OTOGL: variants seen among roughly 807,000 people sequenced by gnomAD.
OTOGL encodes the protein otogelin-like protein.
In OTOGL, 285 loss-of-function variants were observed where a neutral mutation model predicts 318.5. The observed-to-expected ratio is 0.89, with a 90% confidence interval of 0.81 to 0.99. The LOEUF (loss-of-function observed/expected upper bound fraction) is 0.99, where lower values mean the gene tolerates loss of function less well. Ranked by LOEUF, OTOGL falls within the 50% of genes least tolerant of loss-of-function variation. OTOGL has a pLI of 0.00. For missense variants in OTOGL, 2,899 were observed against 2,845.6 expected, an observed-to-expected ratio of 1.02 and a Z score of -0.43; for synonymous variants, 987 against 936.5, an observed-to-expected ratio of 1.05 and a Z score of -0.99.
intron 1 of OTOGL, chr12:80,133,749 G>A (rs1270193814): frequency 6.6e-6 from 1 of 152,046 alleles, no homozygotes; most frequent in Non-Finnish European, 1.5e-5. Flanking sequence ...GAGCTCAGGA[G>A]TTCGAGACCA....
At chr12:80,235,754 A>C (rs936024336) in intron 9 of OTOGL, among the ~76,000 whole-genome samples, 21 of 152,214 alleles carry the variant, frequency 1.4e-4, no homozygotes, top group Admixed American at 1.1e-3. Context: ...AACTGGCAGA[A>C]GGCAAGAAGG....
At chr12:80,216,051 G>C (rs149065674) in intron 4 of OTOGL, among the ~76,000 whole-genome samples, 83 of 152,202 alleles carry the variant, frequency 5.5e-4, no homozygotes, top group African/African-American at 2.0e-3. Context: ...ATGATGGCAT[G>C]CGCCTGCAGT....
At chr12:80,189,443 C>T (rs528474285) in intron 1 of OTOGL, 57 of 985,186 alleles carry the variant, frequency 5.8e-5, no homozygotes, top group Non-Finnish European at 6.7e-5. Flanking sequence ...TGTCAAGTCT[C>T]ATAAGAATGA....
At chr12:80,193,385 G>A (rs190919214) in intron 1 of OTOGL, among the ~76,000 whole-genome samples, 1 of 152,160 alleles carries the variant, frequency 6.6e-6, no homozygotes, top group East Asian at 1.9e-4. Context: ...GCATGGTGGT[G>A]CATGCCTGTA....
chr12:80,238,741 A>C, intron 9 of OTOGL, 110 bp from the exon 10 acceptor site: 1 of 1,200,184 alleles, frequency 8.3e-7, no homozygotes, highest in Non-Finnish European at 1.1e-6. Flanking sequence ...AATGTTACTG[A>C]GTTTAATGTT....
chr12:80,255,089 A>G lies in OTOGL; in HGVS notation c.1491A>G (p.Arg497=). ...GDSHFTTFDG[R]HYSFIGMCQY... ...CTCACTTTACAACTTTTGATGGTCG[A>G]CATTATTCTTTTATTGGCATGTGCC... Residue 497 remains arginine, a synonymous_variant, in exon 16 of 59, where the codon CGA becomes CGG. Transcript: ENST00000547103. The G allele has an allele frequency of 1.3e-6, 2 of 1,525,654 alleles. No individual in the cohort carries two copies. Among genetic ancestry groups the G allele is most frequent in the Non-Finnish European group, 1.8e-6 (2 of 1,138,554 alleles). The allele number at this position is 1,525,654 out of a possible 1,614,324, so 94.5% of individuals were successfully genotyped here.
chr12:80,271,310 T>C (rs1008551779), intron 23 of OTOGL, among the ~76,000 whole-genome samples: 1 of 152,140 alleles, frequency 6.6e-6, no homozygotes, highest in African/African-American at 2.4e-5. Context: ...TTCTGTGGTA[T>C]AGTGAGAACT....
rs535678952 is a variant in OTOGL at position 80,127,511 on chromosome 12, G to A, written c.-20+27906G>A. 2.0e-4 allele frequency among the ~76,000 whole-genome samples: 31 copies of A among 152,144 alleles called. 1 individual carries two copies. The highest frequency in any genetic ancestry group is 8.3e-4 in the South Asian group (4 of 4,804). ...TTCAACTTTGGTGAATCTGACAATTGTGTGTCTTGGAGTTGCTCTTCTCGA... is the reference window on the plus strand; with the variant it reads ...TTCAACTTTGGTGAATCTGACAATTATGTGTCTTGGAGTTGCTCTTCTCGA... On this transcript the variant is annotated intron_variant, in intron 1 of 58. Transcript: ENST00000547103.
Position 80,198,143 on chromosome 12 carries a change from G to A in OTOGL, c.-19-11270G>A, listed in dbSNP as rs182388805. 1.5e-3 allele frequency among the ~76,000 whole-genome samples: 222 copies of A among 152,222 alleles called. 1 individual carries two copies. Among genetic ancestry groups the A allele is most frequent in the African/African-American group, 4.6e-3 (193 of 41,530 alleles). On this transcript the variant is annotated intron_variant, in intron 1 of 58. Transcript: ENST00000547103. Reference sequence around the variant, plus strand: ...TTGATATACTTAAAATATTCTCCCCGTTACATATGCTTAACTTCTCTCACC... The same window carrying A: ...TTGATATACTTAAAATATTCTCCCCATTACATATGCTTAACTTCTCTCACC...
In OTOGL at chr12:80,353,485, C is replaced by A. The variant is rs1351071840; in HGVS notation, c.5568C>A (p.Ala1856=). 6.3e-7 allele frequency: 1 copy of A among 1,583,250 alleles called. No homozygotes were observed. The highest frequency in any genetic ancestry group is 8.6e-7 in the Non-Finnish European group (1 of 1,164,892). The change falls in exon 46 of 59, where the codon GCC becomes GCA. Residue 1856 remains alanine (A), a synonymous_variant. Coordinates refer to ENST00000547103, the MANE Select transcript of OTOGL (RefSeq NM_001378609.3). ...CTATTCTTCACAGGCCACATTCAGC[C>A]CAGTGCATTCCAGAGAAAGAGTGTG... ...VGTILHRPHS[A]QCIPEKECAC... is the part of the protein sequence containing the mutation.
chr12:80,280,640 G>T lies in OTOGL; in HGVS notation c.2928+1474G>T, dbSNP rs116082711. ...GCTATGTTTTTGGGTTCTCTAACCT[G>T]TTCCATTGTGTCTGTTTTTGTGCCA... On this transcript the variant is annotated intron_variant, in intron 26 of 58. Transcript: ENST00000547103. Among the ~76,000 whole-genome samples the T allele has an allele frequency of 5.8e-3, 876 of 151,928 alleles. 11 individuals are homozygous for T. The highest frequency in any genetic ancestry group is 0.02 in the African/African-American group (832 of 41,504).
intron 2 of OTOGL, among the ~76,000 whole-genome samples, chr12:80,209,827 A>T (rs1421685852): frequency 6.6e-6 from 1 of 152,076 alleles, no homozygotes; most frequent in Non-Finnish European, 1.5e-5. Flanking sequence ...TTTTATCATG[A>T]TATGCAATTG....
At chr12:80,224,770 T>C (rs1481244003) in intron 7 of OTOGL, among the ~76,000 whole-genome samples, 1 of 152,060 alleles carries the variant, frequency 6.6e-6, no homozygotes, top group Non-Finnish European at 1.5e-5. Context: ...TAATTTTGTA[T>C]CCTGAAACTT....
chr12:80,221,482 T>C (rs943713471), intron 6 of OTOGL, among the ~76,000 whole-genome samples: 1 of 152,098 alleles, frequency 6.6e-6, no homozygotes, highest in Non-Finnish European at 1.5e-5. Context: ...TTACCCAGGC[T>C]GGTCTCAAAC....
chr12:80,249,696 G>C (rs990546618), intron 11 of OTOGL, among the ~76,000 whole-genome samples: 3 of 152,108 alleles, frequency 2.0e-5, no homozygotes, highest in South Asian at 2.1e-4. Flanking sequence ...GCTCCACCCA[G>C]TTCGAGCTTC....
intron 19 of OTOGL, 114 bp from the exon 20 acceptor site, chr12:80,264,887 C>A (rs909434826): frequency 9.2e-7 from 1 of 1,088,106 alleles, no homozygotes; most frequent in South Asian, 1.5e-5. Context: ...ATTGTTCACT[C>A]TTGTATTAAA....
chr12:80,151,498 T>TA (rs1192808580), intron 1 of OTOGL, among the ~76,000 whole-genome samples: 1 of 151,818 alleles, frequency 6.6e-6, no homozygotes, highest in South Asian at 2.1e-4. Flanking sequence ...AAGCTCTCTC[T>TA]AAAAAAAATA....
In OTOGL at chr12:80,378,905, T is replaced by C. The variant is rs1274948453; in HGVS notation, c.*857T>C. ...AGAGGAGATAGATCTTGAACTGTTA[T>C]TTTTTATATAATTAAAACTGCTATT... On this transcript the variant is annotated 3_prime_UTR_variant, in exon 59 of 59. Transcript: ENST00000547103. 1 of 152,422 alleles carries C rather than the reference T, an allele frequency of 6.6e-6. No homozygotes were observed. The highest frequency in any genetic ancestry group is 2.4e-5 in the African/African-American group (1 of 41,440). 9.4% of individuals were successfully genotyped at this position (152,422 alleles called of 1,614,324 possible). A position where few individuals can be genotyped will look rare whatever the true frequency, so the allele number is the denominator to read the frequency against.
chr12:80,210,963 T>A (rs1877208322), intron 3 of OTOGL, 77 bp downstream of exon 3: 12 of 968,732 alleles, frequency 1.2e-5, no homozygotes, highest in Non-Finnish European at 1.7e-5. Flanking sequence ...GGCAACTATA[T>A]CTGCTTTTGA....
Sources: gnomAD v4.1 joint callset for allele counts (sites outside exome capture counted in the v4.1 genomes callset) on GRCh38, gnomAD v4.1.1 for gene constraint, MANE v1.5 for transcripts, NCBI Gene and HGNC (gene_info 2026-07-23, HGNC 2026-07-21) for gene names.